The following IL1RAPL2 variants were observed in gnomAD, a reference collection of about 807,000 sequenced individuals.
IL1RAPL2 encodes interleukin 1 receptor accessory protein like 2.
Under a neutral mutation model 44.1 loss-of-function variants are expected in IL1RAPL2, and 3 were observed. The observed-to-expected ratio is 0.07, with a 90% CI of 0.03 to 0.18. The LOEUF is 0.18. IL1RAPL2 is among the 10% of genes least tolerant of loss of function. The probability of loss-of-function intolerance (pLI) is 1.00; values close to 1 mark genes in which losing one functional copy is unlikely to be tolerated. For missense variants in IL1RAPL2, 391 were observed against 496.4 expected (o/e 0.79, Z 2.02); for synonymous variants, 181 against 178.8 (o/e 1.01, Z -0.10).
chrX:105,472,714 C>T (rs1028296378), intron 5 of IL1RAPL2, among the ~76,000 whole-genome samples: 2 of 111,396 alleles, frequency 1.8e-5, no homozygotes, highest in African/African-American at 3.3e-5. Flanking sequence ...TAGTTCTCAT[C>T]GGTGTTACGA....
intron 2 of IL1RAPL2, among the ~76,000 whole-genome samples, chrX:104,894,703 GT>G (rs996019027): frequency 2.7e-5 from 3 of 111,403 alleles, no homozygotes; most frequent in African/African-American, 9.8e-5. Context: ...TTTTTTCCAG[GT>G]TTTTAGCTTC....
intron 2 of IL1RAPL2, among the ~76,000 whole-genome samples, chrX:105,190,929 G>A (rs2033627735): frequency 8.9e-6 from 1 of 112,080 alleles, no homozygotes; most frequent in Non-Finnish European, 1.9e-5. Flanking sequence ...CTATAAAGAG[G>A]CCAAATGAGT....
rs184282778 is a variant in IL1RAPL2 at position 104,792,326 on chromosome X, A to G, written c.82+133331A>G. Among the ~76,000 whole-genome samples the G allele has an allele frequency of 1.4e-4, 16 of 111,052 alleles. No homozygotes were observed. In the Admixed American group the frequency reaches 1.5e-3, roughly 11 times the overall value. On this transcript the variant is annotated intron_variant, in intron 2 of 10. Coordinates refer to ENST00000372582, the MANE Select transcript of IL1RAPL2 (RefSeq NM_017416.2). ...ATATCTAATTAGTAGCAAGGGCAGG[A>G]TAGACCCCAGATCGCTTCACTGTCT... is the stretch of plus-strand genomic sequence containing the variant.
intron 5 of IL1RAPL2, among the ~76,000 whole-genome samples, chrX:105,290,947 C>A (rs781512055): frequency 3.6e-5 from 4 of 111,591 alleles, no homozygotes; most frequent in Non-Finnish European, 5.6e-5. Context: ...GGGTCAAGTG[C>A]TGAGACACAT....
intron 2 of IL1RAPL2, among the ~76,000 whole-genome samples, chrX:105,036,866 A>G (rs2031638825): frequency 8.9e-6 from 1 of 112,025 alleles, no homozygotes; most frequent in Admixed American, 9.6e-5. Context: ...GATAAAAACC[A>G]AAGCTCATAG....
At chrX:105,259,386 T>C (rs2034339461) in intron 4 of IL1RAPL2, among the ~76,000 whole-genome samples, 1 of 111,494 alleles carries the variant, frequency 9.0e-6, no homozygotes, top group Non-Finnish European at 1.9e-5. Flanking sequence ...GATTGCAACT[T>C]GGCACTACTG....
intron 2 of IL1RAPL2, among the ~76,000 whole-genome samples, chrX:105,009,355 T>C (rs1325684498): frequency 3.6e-5 from 4 of 109,704 alleles, no homozygotes; most frequent in Non-Finnish European, 7.6e-5. Flanking sequence ...AACCCAAATG[T>C]CCAACAATGA....
chrX:105,005,441 C>T (rs901189226), intron 2 of IL1RAPL2, among the ~76,000 whole-genome samples: 20 of 111,397 alleles, frequency 1.8e-4, no homozygotes, highest in Non-Finnish European at 2.8e-4. Context: ...TCAGGCCTCA[C>T]GCCAGACTTA....
chrX:105,578,283 T>C (rs1443060774), intron 6 of IL1RAPL2, among the ~76,000 whole-genome samples: 6 of 110,471 alleles, frequency 5.4e-5, no homozygotes, highest in African/African-American at 2.0e-4. Context: ...AAACTGCAGA[T>C]TTTGGAGGAG....
At chrX:104,996,908 G>A (rs1265375537) in intron 2 of IL1RAPL2, among the ~76,000 whole-genome samples, 6 of 111,278 alleles carry the variant, frequency 5.4e-5, no homozygotes, top group Non-Finnish European at 9.4e-5. Context: ...GTGAGTATTC[G>A]GGAACCAACA....
Position 105,357,506 on chromosome X carries a change from G to A in IL1RAPL2, c.697+89965G>A, listed in dbSNP as rs980013415. Among the ~76,000 whole-genome samples, 11 of 111,000 alleles carry A rather than the reference G, an allele frequency of 9.9e-5. No homozygotes were observed. The East Asian group carries it at 3.1e-3, about 31-fold the overall frequency. ...ATTTTTAGTCTTAATTTCAGTAATTGTTATTTCTTAAAATATTTGGTATAG... is the reference window on the plus strand; with the variant it reads ...ATTTTTAGTCTTAATTTCAGTAATTATTATTTCTTAAAATATTTGGTATAG... On this transcript the variant is annotated intron_variant, in intron 5 of 10. Coordinates refer to ENST00000372582, the MANE Select transcript of IL1RAPL2 (RefSeq NM_017416.2).
intron 2 of IL1RAPL2, among the ~76,000 whole-genome samples, chrX:104,906,173 G>A (rs1364753092): frequency 9.0e-6 from 1 of 111,497 alleles, no homozygotes; most frequent in East Asian, 2.8e-4. Flanking sequence ...AGACTTTGCT[G>A]AAGTTGCTTA....
At chrX:105,347,645 G>T (rs1014703058) in intron 5 of IL1RAPL2, among the ~76,000 whole-genome samples, 1 of 109,635 alleles carries the variant, frequency 9.1e-6, no homozygotes, top group Admixed American at 9.9e-5. Context: ...ACCTGGTTAC[G>T]GTTGGTCATA....
chrX:105,461,929 G>T (rs139145670), intron 5 of IL1RAPL2, among the ~76,000 whole-genome samples: 15 of 110,854 alleles, frequency 1.4e-4, no homozygotes, highest in African/African-American at 4.6e-4. Context: ...TTGTAAATTG[G>T]TATAGTGCAT....
chrX:104,864,970 G>A (rs1922579938), intron 2 of IL1RAPL2, among the ~76,000 whole-genome samples: 1 of 111,106 alleles, frequency 9.0e-6, no homozygotes, highest in South Asian at 3.9e-4. Flanking sequence ...GACTTACAGT[G>A]GGCCCAATGG....
At chrX:104,663,010 C>T (rs1273630675) in intron 2 of IL1RAPL2, among the ~76,000 whole-genome samples, 1 of 111,547 alleles carries the variant, frequency 9.0e-6, no homozygotes, top group Non-Finnish European at 1.9e-5. Flanking sequence ...AATGTAGTCC[C>T]CAGTGGTAAG....
chrX:105,463,465 G>A (rs2036106213), intron 5 of IL1RAPL2, among the ~76,000 whole-genome samples: 2 of 110,517 alleles, frequency 1.8e-5, no homozygotes, highest in Admixed American at 9.7e-5. Context: ...TTTGATTTAG[G>A]CAAAGTCTCT....
intron 6 of IL1RAPL2, among the ~76,000 whole-genome samples, chrX:105,572,145 A>G (rs17285535): frequency 0.33 from 36,147 of 110,316 alleles, 4,493 homozygotes; most frequent in Middle Eastern, 0.4. Context: ...AGTGACATCA[A>G]TTTTTCCCCG....
chrX:104,751,584 C>A (rs1003787606), intron 2 of IL1RAPL2, among the ~76,000 whole-genome samples: 1 of 110,795 alleles, frequency 9.0e-6, no homozygotes, highest in East Asian at 2.9e-4. Context: ...CTCCAGGCAG[C>A]GAAATCAAAA....
Sources: gnomAD v4.1 joint callset for allele counts (sites outside exome capture counted in the v4.1 genomes callset) on GRCh38, gnomAD v4.1.1 for gene constraint, MANE v1.5 for transcripts, NCBI Gene and HGNC (gene_info 2026-07-23, HGNC 2026-07-21) for gene names.